Variants in GMDS observed in about 807,000 individuals in gnomAD.
GMDS encodes GDP-mannose 4,6 dehydratase.
A neutral mutation model predicts 49.9 loss-of-function variants in GMDS; 20 were observed. The observed-to-expected ratio is 0.40, with a 90% CI of 0.28 to 0.58. GMDS has a LOEUF of 0.58. Ranked by LOEUF, GMDS falls within the 20% of genes least tolerant of loss-of-function variation. The pLI is 0.42. For synonymous variants in GMDS, 177 were observed against 178.6 expected, an observed-to-expected ratio of 0.99 and a Z score of 0.07; for missense variants, 362 against 481.4, an observed-to-expected ratio of 0.75 and a Z score of 2.32.
chr6:1,739,467 T>C (rs1273071238), intron 8 of GMDS, among the ~76,000 whole-genome samples: 10 of 152,254 alleles, frequency 6.6e-5, no homozygotes, highest in African/African-American at 2.4e-4. Flanking sequence ...CATCCTGCTA[T>C]AGGGGAAGAC....
intron 7 of GMDS, among the ~76,000 whole-genome samples, chr6:1,831,457 T>C (rs1382297209): frequency 6.6e-6 from 1 of 152,158 alleles, no homozygotes; most frequent in Non-Finnish European, 1.5e-5. Flanking sequence ...GTATTTTAGG[T>C]AAGGTTATAA....
chr6:1,872,089 C>T (rs1758789509), intron 7 of GMDS, among the ~76,000 whole-genome samples: 1 of 152,228 alleles, frequency 6.6e-6, no homozygotes, highest in South Asian at 2.1e-4. Flanking sequence ...ATCTTTCCCT[C>T]ATCCATGGTC....
chr6:1,721,186 G>C (rs1200027191), intron 9 of GMDS, among the ~76,000 whole-genome samples: 1 of 152,080 alleles, frequency 6.6e-6, no homozygotes, highest in Non-Finnish European at 1.5e-5. Flanking sequence ...GGAAAAGTTT[G>C]CGGGGGGTGG....
intron 1 of GMDS, among the ~76,000 whole-genome samples, chr6:2,208,926 C>A (rs1003099278): frequency 6.6e-6 from 1 of 151,278 alleles, no homozygotes; most frequent in South Asian, 2.1e-4. Context: ...ACGTGTCTGA[C>A]CCAAGCTGTC....
At chr6:2,234,453 C>T (rs1379837958) in intron 1 of GMDS, among the ~76,000 whole-genome samples, 1 of 151,444 alleles carries the variant, frequency 6.6e-6, no homozygotes, top group Non-Finnish European at 1.5e-5. Flanking sequence ...ACTAAAAATA[C>T]AAAAAATTAG....
At chr6:2,068,334 C>T (rs1198649630) in intron 4 of GMDS, among the ~76,000 whole-genome samples, 1 of 150,134 alleles carries the variant, frequency 6.7e-6, no homozygotes, top group Non-Finnish European at 1.5e-5. Flanking sequence ...AAACTGGAAG[C>T]ATTCCCTTTG....
At chr6:2,123,510 A>T (rs3800156) in intron 2 of GMDS, among the ~76,000 whole-genome samples, 1 of 152,112 alleles carries the variant, frequency 6.6e-6, no homozygotes, top group East Asian at 1.9e-4. Context: ...TCTGAAACAC[A>T]GTATGGGCAT....
chr6:1,796,615 CT>C (rs1769744370), intron 7 of GMDS, among the ~76,000 whole-genome samples: 1 of 152,164 alleles, frequency 6.6e-6, no homozygotes, highest in Non-Finnish European at 1.5e-5. Flanking sequence ...TTATTTCAAT[CT>C]TCTAATATTG....
At chr6:1,737,939 CACACAT>C (rs1297945927) in intron 8 of GMDS, among the ~76,000 whole-genome samples, 138 of 149,592 alleles carry the variant, frequency 9.2e-4, no homozygotes, top group African/African-American at 3.3e-3. Flanking sequence ...ACACACCACA[CACACAT>C]ACACAGATAC....
intron 9 of GMDS, among the ~76,000 whole-genome samples, chr6:1,670,382 T>C (rs1278151564): frequency 6.6e-6 from 1 of 151,830 alleles, no homozygotes; most frequent in Non-Finnish European, 1.5e-5. Context: ...TTTTTTTTTT[T>C]TTCACCTGCA....
At chr6:1,632,761 C>G (rs1242376310) in intron 9 of GMDS, among the ~76,000 whole-genome samples, 1 of 152,094 alleles carries the variant, frequency 6.6e-6, no homozygotes, top group Non-Finnish European at 1.5e-5. Flanking sequence ...TGCCTGTGGT[C>G]CCAGCTACTT....
intron 4 of GMDS, among the ~76,000 whole-genome samples, chr6:2,032,204 T>C (rs1030848856): frequency 6.6e-6 from 1 of 152,174 alleles, no homozygotes; most frequent in African/African-American, 2.4e-5. Context: ...CTGGTGCTGG[T>C]GATAGGTTTG....
At position 2,036,581 on chromosome 6, in the gene GMDS, T is replaced by G. The variant is rs1325745674; in HGVS notation, c.346-75615A>C. On this transcript the variant is annotated intron_variant, in intron 4 of 10. Transcript: ENST00000380815. ...TCCTGGCGTTACCCATTATCATACTTGTGTGTCCCAAATAAATGGGGCTCC... is the reference window on the plus strand; with the variant it reads ...TCCTGGCGTTACCCATTATCATACTGGTGTGTCCCAAATAAATGGGGCTCC... Among the ~76,000 whole-genome samples the G allele has an allele frequency of 3.3e-5, 5 of 152,208 alleles. No homozygotes were observed. In the East Asian group the frequency reaches 9.6e-4, roughly 29 times the overall value.
chr6:1,863,285 C>T (rs920227336), intron 7 of GMDS, among the ~76,000 whole-genome samples: 2 of 151,946 alleles, frequency 1.3e-5, no homozygotes, highest in Non-Finnish European at 2.9e-5. Flanking sequence ...GAAAAATTCT[C>T]GCAAGTAAAA....
intron 1 of GMDS, among the ~76,000 whole-genome samples, chr6:2,202,049 G>A (rs1779564798): frequency 7.0e-6 from 1 of 143,176 alleles, no homozygotes; most frequent in Non-Finnish European, 1.5e-5. Context: ...AGGCAGTGAG[G>A]GCAGCGCGTT....
chr6:1,884,498 A>G (rs1016887919), intron 7 of GMDS, among the ~76,000 whole-genome samples: 3 of 152,222 alleles, frequency 2.0e-5, no homozygotes, highest in Non-Finnish European at 4.4e-5. Flanking sequence ...CAATTGACCA[A>G]ATATGGTGGG....
intron 1 of GMDS, among the ~76,000 whole-genome samples, chr6:2,193,900 T>A (rs1250239507): frequency 6.6e-6 from 1 of 151,952 alleles, no homozygotes; most frequent in African/African-American, 2.4e-5. Context: ...ATTTTTTGTA[T>A]TTTTAGTAGA....
intron 4 of GMDS, among the ~76,000 whole-genome samples, chr6:1,978,362 G>A (rs1018006766): frequency 6.6e-6 from 1 of 152,156 alleles, no homozygotes; most frequent in African/African-American, 2.4e-5. Flanking sequence ...GGAGTGCCTG[G>A]AAGAGGAAAG....
chr6:1,883,772 T>C lies in GMDS; in HGVS notation c.771+46331A>G, dbSNP rs191535869. ...GCCAAGCAATGAAAAAGCTTCACCA[T>C]TAAAACATGAATATTTAAATTTTAA... is the stretch of plus-strand genomic sequence containing the variant. On this transcript the variant is annotated intron_variant, in intron 7 of 10. Transcript: ENST00000380815. Among the ~76,000 whole-genome samples the C allele has an allele frequency of 3.0e-4, 46 of 152,282 alleles. No homozygotes were observed. The East Asian group carries it at 8.7e-3, about 29-fold the overall frequency.
Sources: allele counts gnomAD v4.1 joint callset (sites outside exome capture counted in the v4.1 genomes callset), GRCh38; gene constraint gnomAD v4.1.1; transcripts MANE v1.5; gene names NCBI Gene and HGNC (gene_info 2026-07-23, HGNC 2026-07-21).